The following CFAP97 variants were observed in gnomAD, a reference collection of about 807,000 sequenced individuals.
The protein encoded by CFAP97 is cilia- and flagella-associated protein 97.
A neutral mutation model predicts 43.1 loss-of-function variants in CFAP97; 36 were observed. That is an observed-to-expected ratio of 0.84 (90% confidence interval 0.64 to 1.10). CFAP97 has a LOEUF of 1.10. Ranked by LOEUF, CFAP97 falls within the 50% of genes least tolerant of loss-of-function variation. CFAP97 has a pLI of 0.00. For missense variants in CFAP97, 657 were observed against 620.3 expected, an observed-to-expected ratio of 1.06 and a Z score of -0.63; for synonymous variants, 228 against 225.7, an observed-to-expected ratio of 1.01 and a Z score of -0.09.
At chr4:185,185,663 G>T (rs556683317) in intron 2 of CFAP97, among the ~76,000 whole-genome samples, 1 of 145,120 alleles carries the variant, frequency 6.9e-6, no homozygotes, top group South Asian at 2.2e-4. Flanking sequence ...TTGAGACAGG[G>T]TCTTACTCTG....
chr4:185,182,187 T>C (rs1735817560), intron 2 of CFAP97: 1 of 152,056 alleles, frequency 6.6e-6, no homozygotes, highest in South Asian at 2.1e-4. Flanking sequence ...CCTTTAAATC[T>C]AGTGTGGTCA....
chr4:185,180,875 C>A (rs578105433), intron 2 of CFAP97, among the ~76,000 whole-genome samples: 20 of 152,092 alleles, frequency 1.3e-4, no homozygotes, highest in Admixed American at 1.1e-3. Flanking sequence ...CCCCTTAACA[C>A]CCCCCCTAAA....
chr4:185,210,020 C>T (rs1343962875), upstream of CFAP97: 9 of 983,766 alleles, frequency 9.1e-6, no homozygotes, highest in African/African-American at 1.8e-5. The surrounding 1 kb of genome is among the most constrained non-coding windows in gnomAD (Gnocchi z 4.4). Flanking sequence ...GCGGTGGCCG[C>T]ACTCGCCGCC....
At chr4:185,167,608 G>A (rs567701555) in intron 3 of CFAP97, among the ~76,000 whole-genome samples, 1 of 152,234 alleles carries the variant, frequency 6.6e-6, no homozygotes, top group East Asian at 1.9e-4. Flanking sequence ...TCCACGATAA[G>A]GATATTAATA....
intron 2 of CFAP97, among the ~76,000 whole-genome samples, chr4:185,177,405 T>C (rs1398951674): frequency 1.6e-5 from 2 of 128,486 alleles, no homozygotes; most frequent in East Asian, 2.2e-4. Flanking sequence ...AGAGTAAGAC[T>C]CTGTCTCCAA....
At chr4:185,171,559 C>T (rs978255185) in intron 3 of CFAP97, among the ~76,000 whole-genome samples, 1 of 152,146 alleles carries the variant, frequency 6.6e-6, no homozygotes, top group Admixed American at 6.6e-5. Context: ...GACACTGACA[C>T]ACATTTAAAA....
chr4:185,163,750 T>G (rs1229684453), intron 4 of CFAP97, among the ~76,000 whole-genome samples: 1 of 152,198 alleles, frequency 6.6e-6, no homozygotes, highest in Non-Finnish European at 1.5e-5. Flanking sequence ...TATTTCTTCC[T>G]TCAATAAACT....
chr4:185,188,813 T>C (rs1736111780), intron 2 of CFAP97, among the ~76,000 whole-genome samples: 2 of 152,102 alleles, frequency 1.3e-5, no homozygotes, highest in South Asian at 4.1e-4. Context: ...TGAGCATTTA[T>C]TAGGAAAGAT....
chr4:185,197,487 G>C (rs117650201), intron 1 of CFAP97, among the ~76,000 whole-genome samples: 1 of 151,644 alleles, frequency 6.6e-6, no homozygotes, highest in African/African-American at 2.4e-5. Flanking sequence ...GCGCAGTGGC[G>C]CGTGATCTCG....
intron 3 of CFAP97, among the ~76,000 whole-genome samples, chr4:185,168,468 A>G (rs1199277169): frequency 6.6e-6 from 1 of 151,938 alleles, no homozygotes; most frequent in Non-Finnish European, 1.5e-5. Flanking sequence ...TTAGCTAGGC[A>G]TGGTGACACA....
At chr4:185,165,172 G>A (rs1735018099) in intron 3 of CFAP97, among the ~76,000 whole-genome samples, 1 of 152,186 alleles carries the variant, frequency 6.6e-6, no homozygotes, top group Non-Finnish European at 1.5e-5. Context: ...TGTAGCCTGG[G>A]CACAGTGGCT....
chr4:185,175,863 C>G lies in CFAP97; in HGVS notation c.1243G>C (p.Ala415Pro), dbSNP rs754450934. Reference sequence around the variant, plus strand: ...TGATATAACTTTGGGGGATGATCAGCCGATCTAGGAATTGTACTTTTGCTT... The same window carrying G: ...TGATATAACTTTGGGGGATGATCAGGCGATCTAGGAATTGTACTTTTGCTT... Reference protein sequence around the residue: ...PGSKSTIPRSADHPPKLYHSA... With the variant: ...PGSKSTIPRSPDHPPKLYHSA... Residue 415 changes from alanine (A) to proline (P), a missense_variant, in exon 3 of 5, where the codon GCT becomes CCT. Transcript: ENST00000458385. 1 of 1,613,890 alleles carries G rather than the reference C, an allele frequency of 6.2e-7. No homozygotes were observed. Among genetic ancestry groups the G allele is most frequent in the South Asian group, 1.1e-5 (1 of 91,078 alleles).
Position 185,175,860 on chromosome 4 carries a change from C to T in CFAP97, c.1246G>A (p.Asp416Asn). ...CTGTGATATAACTTTGGGGGATGAT[C>T]AGCCGATCTAGGAATTGTACTTTTG... ...GSKSTIPRSA[D>N]HPPKLYHSAL... Residue 416 changes from aspartate to asparagine, a missense_variant, in exon 3 of 5, where the codon GAT becomes AAT. Asp to Asn is a conservative substitution (Grantham distance 23, BLOSUM62 1). Transcript: ENST00000458385. 1.2e-6 allele frequency: 2 copies of T among 1,613,914 alleles called. No individual in the cohort carries two copies. The highest frequency in any genetic ancestry group is 1.7e-6 in the Non-Finnish European group (2 of 1,179,858).
intron 2 of CFAP97, among the ~76,000 whole-genome samples, chr4:185,179,324 A>G (rs574660748): frequency 2.6e-5 from 4 of 152,266 alleles, no homozygotes; most frequent in Admixed American, 2.6e-4. Context: ...TTTAAATTAA[A>G]GATTATTATA....
chr4:185,204,402 CTAGT>C (rs1191084357), upstream of CFAP97: 2 of 152,212 alleles, frequency 1.3e-5, no homozygotes, highest in African/African-American at 4.8e-5. Flanking sequence ...GTTCATACCA[CTAGT>C]TAGTTCTGTG....
chr4:185,175,713 G>A, intron 3 of CFAP97, 73 bp downstream of exon 3: 1 of 1,428,446 alleles, frequency 7.0e-7, no homozygotes, highest in Non-Finnish European at 9.6e-7. Context: ...CTGTATTTAG[G>A]TTTCCTGTAA....
rs377122540 is a variant in CFAP97, at chr4:185,190,404, G to A, written c.793C>T (p.Pro265Ser). The part of the protein sequence containing the change: ...VSPLSTPDIS[P>S]LQSFELGIAN... ...ATGCCCAGTTCAAAAGACTGAAGAG[G>A]GCTAATGTCTGGAGTTGATAAGGGA... is the stretch of plus-strand genomic sequence containing the variant. The change falls in exon 2 of 5, where the codon CCT (proline) becomes TCT (serine). Residue 265 changes from proline (P) to serine (S), a missense_variant. Physicochemically the swap from Pro to Ser is moderately conservative, Grantham distance 74 (BLOSUM62 -1). Transcript: ENST00000458385. 22 of 1,612,840 alleles carry A rather than the reference G, an allele frequency of 1.4e-5. No individual in the cohort carries two copies. In the African/African-American group the frequency reaches 1.6e-4, roughly 12 times the overall value.
intron 1 of CFAP97, among the ~76,000 whole-genome samples, chr4:185,193,019 C>G (rs962138220): frequency 6.6e-6 from 1 of 152,026 alleles, no homozygotes; most frequent in Non-Finnish European, 1.5e-5. Flanking sequence ...AAATTACAGG[C>G]GTGAGCCACC....
At chr4:185,174,753 G>A (rs1735449418) in intron 3 of CFAP97, among the ~76,000 whole-genome samples, 1 of 152,158 alleles carries the variant, frequency 6.6e-6, no homozygotes, top group South Asian at 2.1e-4. Flanking sequence ...TTTTCATCGT[G>A]AGATGTGGAT....
Sources: allele counts gnomAD v4.1 joint callset (sites outside exome capture counted in the v4.1 genomes callset), GRCh38; gene constraint gnomAD v4.1.1; non-coding constraint Gnocchi (gnomAD v3.1); transcripts MANE v1.5; gene names NCBI Gene and HGNC (gene_info 2026-07-23, HGNC 2026-07-21).